Variants in SHC3 observed in about 807,000 individuals in gnomAD.
SHC3 encodes the protein SHC adaptor protein 3.
A neutral mutation model predicts 60.4 loss-of-function variants in SHC3; 15 were observed. That is an observed-to-expected ratio of 0.25 (90% confidence interval 0.17 to 0.38). SHC3 has a LOEUF of 0.38. Ranked by LOEUF, SHC3 falls within the 10% of genes least tolerant of loss-of-function variation. The pLI is 1.00. For synonymous variants in SHC3, 294 were observed against 325.9 expected, an observed-to-expected ratio of 0.90 and a Z score of 1.05; for missense variants, 677 against 786.1, an observed-to-expected ratio of 0.86 and a Z score of 1.66.
intron 1 of SHC3, among the ~76,000 whole-genome samples, chr9:89,159,461 T>G (rs1448312938): frequency 6.6e-6 from 1 of 152,212 alleles, no homozygotes; most frequent in Non-Finnish European, 1.5e-5. Flanking sequence ...CTTCAAGGAC[T>G]GTCATCTGGT....
intron 1 of SHC3, among the ~76,000 whole-genome samples, chr9:89,119,157 T>C (rs1243228210): frequency 1.3e-5 from 2 of 152,036 alleles, no homozygotes; most frequent in African/African-American, 4.8e-5. Flanking sequence ...TTTATATATG[T>C]GTGTAAAAAA....
chr9:89,064,508 A>G (rs1825143929), intron 6 of SHC3, among the ~76,000 whole-genome samples: 1 of 152,126 alleles, frequency 6.6e-6, no homozygotes, highest in Non-Finnish European at 1.5e-5. Context: ...CTCCTTCAGG[A>G]TCTGGACCTA....
At position 89,126,715 on chromosome 9, in the gene SHC3, T is replaced by A. The variant is rs540317095; in HGVS notation, c.475-14089A>T. On this transcript the variant is annotated intron_variant, in intron 1 of 11. Coordinates refer to ENST00000375835, the MANE Select transcript of SHC3 (RefSeq NM_016848.6). ...TTTCTTTCTGTGCAAACCAGCTGAA[T>A]GAATGATAAAAATCACCGTTTATCT... Among the ~76,000 whole-genome samples the A allele has an allele frequency of 5.9e-5, 9 of 152,308 alleles. No individual in the cohort carries two copies. In the South Asian group the frequency reaches 1.9e-3, roughly 32 times the overall value.
chr9:89,162,424 T>C (rs372997526), intron 1 of SHC3, among the ~76,000 whole-genome samples: 1 of 151,448 alleles, frequency 6.6e-6, no homozygotes. Flanking sequence ...AACAGAGCCC[T>C]CAGAAATAAT....
chr9:89,073,362 A>G (rs114265048), intron 4 of SHC3, among the ~76,000 whole-genome samples: 3,190 of 152,296 alleles, frequency 0.021, 36 homozygotes, highest in South Asian at 0.034. Flanking sequence ...ATTGACCTAA[A>G]TCACGTGTTT....
chr9:89,053,379 C>T (rs548576245), intron 6 of SHC3, among the ~76,000 whole-genome samples: 2 of 152,290 alleles, frequency 1.3e-5, no homozygotes, highest in African/African-American at 4.8e-5. Context: ...TAGGAGAAGC[C>T]AGTACATACT....
chr9:89,102,240 A>G (rs990928956), intron 2 of SHC3, among the ~76,000 whole-genome samples: 20 of 152,160 alleles, frequency 1.3e-4, no homozygotes, highest in African/African-American at 4.8e-4. Context: ...CTAGCAGTTT[A>G]TCATGGCATT....
Position 89,068,699 on chromosome 9 carries a change from G to GA in SHC3, c.783+2499dup, listed in dbSNP as rs35784110. 1.8e-3 allele frequency among the ~76,000 whole-genome samples: 268 copies of GA among 148,578 alleles called. 4 individuals are homozygous for GA. In the East Asian group the frequency reaches 0.036, roughly 20 times the overall value. On this transcript the variant is annotated intron_variant, in intron 5 of 11. Transcript: ENST00000375835. ...AAAATAAGATGTGATGAGGAAATCTGAAAAAAAAAATGTATAGTCCTATGT... is the reference window on the plus strand; with the variant it reads ...AAAATAAGATGTGATGAGGAAATCTGAAAAAAAAAAATGTATAGTCCTATGT...
intron 1 of SHC3, among the ~76,000 whole-genome samples, chr9:89,137,211 C>T: frequency 6.6e-6 from 1 of 152,116 alleles, no homozygotes. Context: ...CAAAGCTAAA[C>T]CATGTCATGG....
chr9:89,107,439 G>A (rs1015651390), intron 2 of SHC3, among the ~76,000 whole-genome samples: 1 of 152,344 alleles, frequency 6.6e-6, no homozygotes, highest in South Asian at 2.1e-4. Context: ...TATTATTCTA[G>A]CTGGTGTTAA....
intron 11 of SHC3, among the ~76,000 whole-genome samples, chr9:89,024,645 G>A (rs1826259254): frequency 6.6e-6 from 1 of 152,232 alleles, no homozygotes. Flanking sequence ...TACAAGTGAA[G>A]TAGTTAGTAC....
chr9:89,140,760 C>G (rs1826381664), intron 1 of SHC3, among the ~76,000 whole-genome samples: 1 of 152,170 alleles, frequency 6.6e-6, no homozygotes, highest in African/African-American at 2.4e-5. Context: ...GGCACTTCCT[C>G]TGTTTTTCTC....
chr9:89,045,854 A>C, intron 8 of SHC3, 21 bp from the exon 9 acceptor site: 8 of 1,608,288 alleles, frequency 5.0e-6, no homozygotes, highest in Non-Finnish European at 6.0e-6. Flanking sequence ...ATGTAAATAC[A>C]CAGAATGAAA....
chr9:89,136,452 T>G (rs962708591), intron 1 of SHC3, among the ~76,000 whole-genome samples: 1 of 151,964 alleles, frequency 6.6e-6, no homozygotes, highest in African/African-American at 2.4e-5. Flanking sequence ...GCGATGAGAG[T>G]GACTTCTGAT....
At chr9:89,045,709 C>T (rs980856627) in intron 9 of SHC3, 37 bp downstream of exon 9, 5 of 1,599,276 alleles carry the variant, frequency 3.1e-6, no homozygotes, top group Non-Finnish European at 4.3e-6. Flanking sequence ...TGAAAAGTGT[C>T]TTTTGTGTTT....
At chr9:89,030,307 G>T (rs1264173575) in intron 11 of SHC3, among the ~76,000 whole-genome samples, 3 of 152,108 alleles carry the variant, frequency 2.0e-5, no homozygotes, top group Admixed American at 2.0e-4. Context: ...TTTTAATAAT[G>T]AATAGAACAA....
chr9:89,142,874 AGTT>A, intron 1 of SHC3, among the ~76,000 whole-genome samples: 1 of 152,090 alleles, frequency 6.6e-6, no homozygotes, highest in Non-Finnish European at 1.5e-5. Context: ...ATACCTTTGG[AGTT>A]CACCAGAAAG....
chr9:89,140,265 G>A (rs1013891893), intron 1 of SHC3, among the ~76,000 whole-genome samples: 6 of 152,170 alleles, frequency 3.9e-5, no homozygotes, highest in Admixed American at 2.6e-4. Flanking sequence ...GCTTCAGGGT[G>A]GAGCCCAGAG....
At chr9:89,175,915 G>A (rs1402645846) in intron 1 of SHC3, among the ~76,000 whole-genome samples, 1 of 152,154 alleles carries the variant, frequency 6.6e-6, no homozygotes, top group Non-Finnish European at 1.5e-5. Context: ...GCACATGTGC[G>A]CCAACAGAGG....
Sources: gnomAD v4.1 joint callset for allele counts (sites outside exome capture counted in the v4.1 genomes callset) on GRCh38, gnomAD v4.1.1 for gene constraint, MANE v1.5 for transcripts, NCBI Gene and HGNC (gene_info 2026-07-23, HGNC 2026-07-21) for gene names.